Variants in CCDC14 observed in about 807,000 individuals in gnomAD.
The protein encoded by CCDC14 is coiled-coil domain containing 14, also known as coiled-coil domain-containing protein 14.
A neutral mutation model predicts 81.4 loss-of-function variants in CCDC14; 71 were observed. That is an observed-to-expected ratio of 0.87 (90% CI 0.72 to 1.06). The LOEUF (loss-of-function observed/expected upper bound fraction) is 1.06, where lower values mean the gene tolerates loss of function less well. CCDC14 is among the 50% of genes least tolerant of loss of function. The pLI is 0.00. For synonymous variants in CCDC14, 332 were observed against 364.8 expected (o/e 0.91, Z 1.03); for missense variants, 1,046 against 1,047.3 (o/e 1.00, Z 0.02).
At chr3:123,906,755 A>C (rs2034321262) in intron 5 of CCDC14, among the ~76,000 whole-genome samples, 1 of 152,230 alleles carries the variant, frequency 6.6e-6, no homozygotes, top group South Asian at 2.1e-4. Context: ...AGCCATGCTT[A>C]GAGCTGGGAG....
chr3:123,945,043 T>G, intron 8 of CCDC14, 53 bp from the exon 9 acceptor site: 1 of 1,292,354 alleles, frequency 7.7e-7, no homozygotes, highest in East Asian at 2.5e-5. Flanking sequence ...TTGGACAAGA[T>G]TATTAGTATG....
chr3:123,890,331 G>A, the CCDC14 span, among the ~76,000 whole-genome samples: 16 of 152,074 alleles, frequency 1.1e-4, no homozygotes, highest in Non-Finnish European at 1.8e-4. Context: ...CCAATAGCCC[G>A]CCAAAATCTT....
rs2037289486 is a variant in CCDC14 at position 123,955,824 on chromosome 3, TA to T, written c.352+18del. The T allele has an allele frequency of 1.3e-6, 2 of 1,484,368 alleles. No homozygotes were observed. The highest frequency in any genetic ancestry group is 2.6e-5 in the South Asian group (2 of 76,024). The allele number at this position is 1,484,368 out of a possible 1,614,324, so 91.9% of individuals were successfully genotyped here. On this transcript the variant is annotated intron_variant, in intron 5 of 12. Coordinates refer to ENST00000409697, the MANE Select transcript of CCDC14 (RefSeq NM_001366335.1). The stretch of plus-strand genomic sequence containing the variant: ...CAATTAAGGATTATCTTTAAATAAC[TA>T]AGAGAAAAAAGGCTTACATGTTTCT...
chr3:123,959,846 T>C (rs1309965606), intron 1 of CCDC14, among the ~76,000 whole-genome samples: 1 of 151,952 alleles, frequency 6.6e-6, no homozygotes, highest in African/African-American at 2.4e-5. Flanking sequence ...CTGTGTTTTC[T>C]ACTTTTAAAT....
intron 10 of CCDC14, among the ~76,000 whole-genome samples, chr3:123,932,260 G>A (rs978464575): frequency 1.3e-5 from 2 of 152,054 alleles, no homozygotes; most frequent in Admixed American, 6.5e-5. Flanking sequence ...ATATAAATAA[G>A]AGAAGCTATT....
At chr3:123,946,357 G>T (rs1279233250) in intron 8 of CCDC14, among the ~76,000 whole-genome samples, 1 of 152,176 alleles carries the variant, frequency 6.6e-6, no homozygotes, top group African/African-American at 2.4e-5. Flanking sequence ...GAAGGTATGC[G>T]TTACTTCTCA....
At chr3:123,889,534 T>C in the CCDC14 span, among the ~76,000 whole-genome samples, 2 of 152,236 alleles carry the variant, frequency 1.3e-5, no homozygotes, top group African/African-American at 2.4e-5. Context: ...AATTCATGTC[T>C]CACATCCAGG....
chr3:123,956,157 T>A, intron 3 of CCDC14, 42 bp from the exon 4 acceptor site: 2 of 1,458,184 alleles, frequency 1.4e-6, no homozygotes, highest in South Asian at 2.7e-5. Context: ...TGTATATGAC[T>A]GTTAGTGTAG....
rs1255189422 is a variant in CCDC14 at position 123,961,015 on chromosome 3, G to A, written c.30+129C>T. 3.8e-6 allele frequency: 3 copies of A among 797,902 alleles called. No homozygotes were observed. The East Asian group carries it at 8.1e-5, about 22-fold the overall frequency. 49.4% of individuals were successfully genotyped at this position (797,902 alleles called of 1,614,324 possible). On this transcript the variant is annotated intron_variant, in intron 1 of 12. Transcript: ENST00000409697. The stretch of plus-strand genomic sequence containing the variant: ...AAGATTAGGTGTTCCCTGCACCTCT[G>A]TCCCAGCACTTTAATGTCGCCGCAT...
At chr3:123,912,176 AC>A, downstream of CCDC14, among the ~76,000 whole-genome samples, 1 of 152,308 alleles carries the variant, frequency 6.6e-6, no homozygotes, top group Middle Eastern at 3.4e-3. Flanking sequence ...CATGCTCAAT[AC>A]TTATCTGGAG....
intron 12 of CCDC14, among the ~76,000 whole-genome samples, chr3:123,927,108 T>C (rs2035409167): frequency 6.6e-6 from 1 of 152,194 alleles, no homozygotes; most frequent in Admixed American, 6.5e-5. Context: ...TTTTTTGTTT[T>C]GTTTTAATGT....
At chr3:123,915,755 T>G in intron 12 of CCDC14, 37 bp from the exon 13 acceptor site, 2 of 1,454,856 alleles carry the variant, frequency 1.4e-6, no homozygotes, top group Non-Finnish European at 1.9e-6. Flanking sequence ...TTATTATTTT[T>G]TACCTGTTTC....
intron 8 of CCDC14, among the ~76,000 whole-genome samples, chr3:123,946,529 G>A (rs2036633809): frequency 6.6e-6 from 1 of 151,988 alleles, no homozygotes; most frequent in African/African-American, 2.4e-5. Context: ...AATTCTCTTT[G>A]GTTGACTCTT....
At chr3:123,947,440 G>T in intron 7 of CCDC14, 121 bp from the exon 8 acceptor site, 1 of 688,050 alleles carries the variant, frequency 1.5e-6, no homozygotes, top group Non-Finnish European at 2.3e-6. Context: ...TATTCATTTT[G>T]TGAATATTTA....
rs760344828 is a variant in CCDC14, at chr3:123,914,049, A to C, written c.*730T>G. 1.8e-5 allele frequency: 18 copies of C among 984,750 alleles called. No homozygotes were observed. The highest frequency in any genetic ancestry group is 2.2e-5 in the Non-Finnish European group (18 of 828,972). The allele number at this position is 984,750 out of a possible 1,614,324, so 61.0% of individuals were successfully genotyped here. On this transcript the variant is annotated 3_prime_UTR_variant, in exon 13 of 13. Coordinates refer to ENST00000409697, the MANE Select transcript of CCDC14 (RefSeq NM_001366335.1). ...ATGTTTAAATATAAGGACAAAAATA[A>C]ACATTTCTTATTTAAAAAAAACCCA...
At chr3:123,890,054 C>G in the CCDC14 span, among the ~76,000 whole-genome samples, 1 of 152,178 alleles carries the variant, frequency 6.6e-6, no homozygotes, top group African/African-American at 2.4e-5. Flanking sequence ...ACATGAATGG[C>G]AGCAGGCAGA....
intron 1 of CCDC14, chr3:123,957,997 G>T (rs1011124102): frequency 6.6e-6 from 1 of 151,988 alleles, no homozygotes; most frequent in African/African-American, 2.4e-5. Context: ...TTGAATATGT[G>T]CTCCATCCTT....
In CCDC14 at chr3:123,907,683, C is replaced by T. The variant is rs138721987; in HGVS notation, c.668-10070G>A. Among the ~76,000 whole-genome samples, 450 of 151,650 alleles carry T rather than the reference C, an allele frequency of 3.0e-3. 2 individuals carry two copies. The highest frequency in any genetic ancestry group is 1.0e-2 in the African/African-American group (411 of 41,304). ...TCATGTCACTGCACTCCAGCCTGGG[C>T]GACAGAGCGAGACCTCATCAATAAA... On this transcript the variant is annotated intron_variant, in intron 5 of 5. Coordinates refer to the CCDC14 transcript ENST00000479903.
exon 6 of CCDC14, chr3:123,897,600 C>A: frequency 8.3e-7 from 1 of 1,198,820 alleles, no homozygotes; most frequent in Non-Finnish European, 1.1e-6. Flanking sequence ...TTTAAGTCCA[C>A]AGTTTTAAAA....
Sources: allele counts gnomAD v4.1 joint callset (sites outside exome capture counted in the v4.1 genomes callset), GRCh38; gene constraint gnomAD v4.1.1; transcripts MANE v1.5; gene names NCBI Gene and HGNC (gene_info 2026-07-23, HGNC 2026-07-21).